The following IPPK variants were observed in gnomAD, a reference collection of about 807,000 sequenced individuals.
The protein encoded by IPPK is inositol-pentakisphosphate 2-kinase.
IPPK carries 22 observed loss-of-function variants against 64.6 expected under a neutral mutation model. The ratio of observed to expected loss-of-function variants is 0.34; its 90% CI spans 0.24 to 0.49. IPPK has a LOEUF of 0.49. Ranked by LOEUF, IPPK falls within the 20% of genes least tolerant of loss-of-function variation. The pLI is 0.99. For synonymous variants in IPPK, 262 were observed against 247.2 expected, an observed-to-expected ratio of 1.06 and a Z score of -0.56; for missense variants, 532 against 630.7, an observed-to-expected ratio of 0.84 and a Z score of 1.68.
chr9:92,661,722 C>G (rs1051990549), intron 1 of IPPK, among the ~76,000 whole-genome samples: 2 of 152,238 alleles, frequency 1.3e-5, no homozygotes, highest in African/African-American at 4.8e-5. Context: ...AAAACTATTA[C>G]AAGAAACCTA....
Position 92,635,126 on chromosome 9 carries a change from G to A in IPPK, c.1067+32C>T. 1.3e-6 allele frequency: 2 copies of A among 1,593,942 alleles called. No homozygotes were observed. The highest frequency in any genetic ancestry group is 1.7e-6 in the Non-Finnish European group (2 of 1,168,080). The stretch of plus-strand genomic sequence containing the variant: ...GCCCACTCCCACAGTCTCCTCTCAG[G>A]GCTGCCCAACAGGGGGACCGCCCGA... On this transcript the variant is annotated intron_variant, in intron 10 of 12. Coordinates refer to ENST00000287996, the MANE Select transcript of IPPK (RefSeq NM_022755.6). The surrounding 1 kb of genome is among the most constrained non-coding windows in gnomAD (Gnocchi z 4.4).
chr9:92,658,540 C>T, intron 2 of IPPK, 94 bp downstream of exon 2: 2 of 1,043,552 alleles, frequency 1.9e-6, no homozygotes, highest in South Asian at 1.3e-5. Context: ...TCTTTGAATG[C>T]TACAACTAGC....
intron 11 of IPPK, among the ~76,000 whole-genome samples, chr9:92,624,056 G>T (rs1342034280): frequency 6.6e-6 from 1 of 152,298 alleles, no homozygotes; most frequent in Middle Eastern, 3.4e-3. Context: ...ACAAAACTAG[G>T]CCAGGCACAG....
At chr9:92,647,753 G>A (rs1019115991) in intron 6 of IPPK, among the ~76,000 whole-genome samples, 3 of 151,736 alleles carry the variant, frequency 2.0e-5, no homozygotes, top group Admixed American at 1.3e-4. Context: ...TGGTGAACAC[G>A]GGCCGGGCGC....
At chr9:92,654,001 C>G (rs770847954) in intron 3 of IPPK, among the ~76,000 whole-genome samples, 6 of 152,168 alleles carry the variant, frequency 3.9e-5, no homozygotes, top group Non-Finnish European at 8.8e-5. Flanking sequence ...CACACAAGGC[C>G]GTCACTCTGC....
At chr9:92,641,538 T>C (rs1852046160) in intron 7 of IPPK, among the ~76,000 whole-genome samples, 1 of 152,232 alleles carries the variant, frequency 6.6e-6, no homozygotes, top group Non-Finnish European at 1.5e-5. Context: ...TCACAGCCTT[T>C]AGGTGCACAG....
chr9:92,622,946 C>T (rs895344494), intron 11 of IPPK, among the ~76,000 whole-genome samples: 10 of 152,136 alleles, frequency 6.6e-5, no homozygotes, highest in Non-Finnish European at 1.3e-4. Context: ...AAAACCCCAC[C>T]TCCTGCCATT....
chr9:92,659,582 G>T (rs1305536564), intron 1 of IPPK, among the ~76,000 whole-genome samples: 1 of 152,098 alleles, frequency 6.6e-6, no homozygotes, highest in African/African-American at 2.4e-5. Flanking sequence ...GCCTGGGAGG[G>T]GCTCTAACGG....
At chr9:92,645,031 AAGG>A in intron 6 of IPPK, among the ~76,000 whole-genome samples, 1 of 152,334 alleles carries the variant, frequency 6.6e-6, no homozygotes, top group East Asian at 1.9e-4. Context: ...TAAAAAGAAC[AAGG>A]AGAATAATGT....
At chr9:92,664,609 G>T (rs1344871633) in intron 1 of IPPK, among the ~76,000 whole-genome samples, 2 of 152,180 alleles carry the variant, frequency 1.3e-5, no homozygotes, top group Admixed American at 1.3e-4. Context: ...GCATGGGGCT[G>T]ACCCCTATAG....
At position 92,619,084 on chromosome 9, in the gene IPPK, A is replaced by G. The variant is rs535839057; in HGVS notation, c.1250+402T>C. 1.4e-3 allele frequency: 311 copies of G among 224,866 alleles called. 4 individuals carry two copies. Among genetic ancestry groups the G allele is most frequent in the Non-Finnish European group, 2.0e-4 (22 of 111,994 alleles). 13.9% of individuals were successfully genotyped at this position (224,866 alleles called of 1,614,324 possible). On this transcript the variant is annotated intron_variant, in intron 12 of 12. Transcript: ENST00000287996. ...CAGGCTTTCAAATGACTGTGGTGGT[A>G]AAAAGGCAGGTGCGCCATGCTGCCA...
chr9:92,645,929 G>T (rs1359299794), intron 6 of IPPK, among the ~76,000 whole-genome samples: 5 of 151,750 alleles, frequency 3.3e-5, no homozygotes, highest in African/African-American at 4.8e-5. Flanking sequence ...GAAATAAAGA[G>T]TATCAGTAAA....
chr9:92,638,155 T>C lies in IPPK; in HGVS notation c.762A>G (p.Thr254=). 1 of 1,614,208 alleles carries C rather than the reference T, an allele frequency of 6.2e-7. No individual in the cohort carries two copies. Among genetic ancestry groups the C allele is most frequent in the Non-Finnish European group, 8.5e-7 (1 of 1,180,034 alleles). ...SNGLASGPHC[T]RAVIRELVHV... is the part of the protein sequence containing the mutation. Reference sequence around the variant, plus strand: ...GCACCAGCTCCCTGATCACAGCCCTTGTGCAGTGGGGCCCACTGGCCAGGC... The same window carrying C: ...GCACCAGCTCCCTGATCACAGCCCTCGTGCAGTGGGGCCCACTGGCCAGGC... Residue 254 remains threonine (T), a synonymous_variant, in exon 9 of 13, where the codon ACA becomes ACG. Coordinates refer to ENST00000287996, the MANE Select transcript of IPPK (RefSeq NM_022755.6).
rs896230532 is a variant in IPPK at position 92,635,523 on chromosome 9, G to A, written c.917-215C>T. 2.0e-5 allele frequency among the ~76,000 whole-genome samples: 3 copies of A among 152,160 alleles called. No individual in the cohort carries two copies. The highest frequency in any genetic ancestry group is 7.2e-5 in the African/African-American group (3 of 41,444). On this transcript the variant is annotated intron_variant, in intron 9 of 12. Coordinates refer to ENST00000287996, the MANE Select transcript of IPPK (RefSeq NM_022755.6). This position sits in a 1 kb window ranked among gnomAD's most constrained non-coding sequence, Gnocchi z 4.4. Reference sequence around the variant, plus strand: ...AGCTGCAGCGTGCCTGGACCACACTGGATGCACCAGGCCAAGCACAAAGGA... The same window carrying A: ...AGCTGCAGCGTGCCTGGACCACACTAGATGCACCAGGCCAAGCACAAAGGA...
intron 11 of IPPK, among the ~76,000 whole-genome samples, chr9:92,621,016 G>A (rs1484008107): frequency 6.6e-6 from 1 of 152,220 alleles, no homozygotes; most frequent in Non-Finnish European, 1.5e-5. Context: ...GCTATCTGGC[G>A]AGAGCCGACT....
In IPPK at chr9:92,626,269, C is replaced by T. The variant is rs757974628; in HGVS notation, c.1171-6704G>A. On this transcript the variant is annotated intron_variant, in intron 11 of 12. Transcript: ENST00000287996. ...AAAATTAGCTGGGCGTGGTGGCAGGCGCCTGTAGTCCCAGCTACTCGGGAG... is the reference window on the plus strand; with the variant it reads ...AAAATTAGCTGGGCGTGGTGGCAGGTGCCTGTAGTCCCAGCTACTCGGGAG... Among the ~76,000 whole-genome samples, 74 of 152,126 alleles carry T rather than the reference C, an allele frequency of 4.9e-4. 1 individual carries two copies. The highest frequency in any genetic ancestry group is 3.6e-3 in the Admixed American group (55 of 15,276).
chr9:92,644,712 C>A (rs1472333846), intron 6 of IPPK, among the ~76,000 whole-genome samples: 1 of 152,190 alleles, frequency 6.6e-6, no homozygotes, highest in Non-Finnish European at 1.5e-5. Flanking sequence ...ACAAAGAATA[C>A]AGACTTCACA....
intron 2 of IPPK, among the ~76,000 whole-genome samples, chr9:92,657,075 A>G (rs1248227838): frequency 2.0e-5 from 3 of 152,168 alleles, no homozygotes; most frequent in Non-Finnish European, 4.4e-5. Context: ...CCTGGCCAGG[A>G]GCAGTGGCTC....
At chr9:92,618,123 C>A in intron 12 of IPPK, 1 of 416,594 alleles carries the variant, frequency 2.4e-6, no homozygotes, top group Non-Finnish European at 4.8e-6. Flanking sequence ...CCACTGCGCA[C>A]ACCTTCCTGG....
Sources: allele counts gnomAD v4.1 joint callset (sites outside exome capture counted in the v4.1 genomes callset), GRCh38; gene constraint gnomAD v4.1.1; non-coding constraint Gnocchi (gnomAD v3.1); transcripts MANE v1.5; gene names NCBI Gene and HGNC (gene_info 2026-07-23, HGNC 2026-07-21).